Variants in LRRC4C observed in about 807,000 individuals in gnomAD.
LRRC4C encodes leucine-rich repeat-containing protein 4C.
LRRC4C carries 5 observed loss-of-function variants against 33.6 expected under a neutral mutation model. The ratio of observed to expected loss-of-function variants is 0.15; its 90% CI spans 0.08 to 0.31. LRRC4C has a LOEUF of 0.31. LRRC4C is among the 10% of genes least tolerant of loss of function. The pLI is 1.00. For synonymous variants in LRRC4C, 329 were observed against 302.0 expected (o/e 1.09, Z -0.93); for missense variants, 560 against 796.7 (o/e 0.70, Z 3.58).
chr11:40,370,633 T>C (rs1366742237), intron 3 of LRRC4C, among the ~76,000 whole-genome samples: 1 of 152,090 alleles, frequency 6.6e-6, no homozygotes, highest in African/African-American at 2.4e-5. Flanking sequence ...AAAATCAAAG[T>C]AACAGATTGA....
chr11:40,136,054 A>G (rs761603683), intron 6 of LRRC4C, among the ~76,000 whole-genome samples: 3 of 152,240 alleles, frequency 2.0e-5, no homozygotes. Context: ...CCCATAGGCA[A>G]AATCGGGCTC....
intron 1 of LRRC4C, among the ~76,000 whole-genome samples, chr11:41,091,612 C>A (rs1940422261): frequency 6.6e-6 from 1 of 151,960 alleles, no homozygotes; most frequent in Non-Finnish European, 1.5e-5. Flanking sequence ...AAAAAGTATA[C>A]CTTGACTACT....
chr11:40,900,516 A>G (rs1371116880), intron 2 of LRRC4C, among the ~76,000 whole-genome samples: 1 of 152,118 alleles, frequency 6.6e-6, no homozygotes, highest in South Asian at 2.1e-4. Context: ...CAACAGATGG[A>G]TGATAGCTAT....
intron 4 of LRRC4C, among the ~76,000 whole-genome samples, chr11:40,250,452 A>T (rs768278976): frequency 6.0e-4 from 92 of 152,108 alleles, no homozygotes; most frequent in Non-Finnish European, 1.1e-3. Context: ...TTTAAATTTA[A>T]TGATAAGCCT....
chr11:40,795,018 A>AT (rs1394873263), intron 2 of LRRC4C, among the ~76,000 whole-genome samples: 46 of 152,354 alleles, frequency 3.0e-4, no homozygotes, highest in African/African-American at 1.0e-3. Flanking sequence ...GAACTTCTCT[A>AT]AGCCAAATCT....
At chr11:40,500,174 C>A (rs376487647) in intron 3 of LRRC4C, among the ~76,000 whole-genome samples, 2 of 151,418 alleles carry the variant, frequency 1.3e-5, no homozygotes, top group Non-Finnish European at 2.9e-5. Context: ...CTTAACCTGT[C>A]GCATCCTCAA....
At chr11:41,190,790 A>AATG (rs1301130552) in intron 1 of LRRC4C, among the ~76,000 whole-genome samples, 1 of 152,178 alleles carries the variant, frequency 6.6e-6, no homozygotes, top group African/African-American at 2.4e-5. Context: ...AATGTTGGGT[A>AATG]ATGATGATGA....
At chr11:40,650,743 T>C (rs1942745610) in intron 2 of LRRC4C, among the ~76,000 whole-genome samples, 1 of 152,208 alleles carries the variant, frequency 6.6e-6, no homozygotes, top group Non-Finnish European at 1.5e-5. Flanking sequence ...ATCTGAACTA[T>C]ATTACTTATT....
intron 3 of LRRC4C, among the ~76,000 whole-genome samples, chr11:40,565,866 A>G (rs1217892476): frequency 6.6e-6 from 1 of 152,126 alleles, no homozygotes; most frequent in Non-Finnish European, 1.5e-5. Flanking sequence ...AAATTTTAAA[A>G]AAGACAATTT....
intron 3 of LRRC4C, among the ~76,000 whole-genome samples, chr11:40,347,649 C>A (rs763941706): frequency 1.3e-5 from 2 of 152,186 alleles, no homozygotes; most frequent in Non-Finnish European, 2.9e-5. Context: ...GCTCTTGTTG[C>A]CTAGGCTGGA....
At chr11:40,188,672 G>C (rs1386166893) in intron 5 of LRRC4C, among the ~76,000 whole-genome samples, 1 of 152,046 alleles carries the variant, frequency 6.6e-6, no homozygotes, top group African/African-American at 2.4e-5. Context: ...CTATAAACCA[G>C]GGGGCTACTA....
At chr11:40,616,241 A>T (rs1961812977) in intron 3 of LRRC4C, among the ~76,000 whole-genome samples, 1 of 151,976 alleles carries the variant, frequency 6.6e-6, no homozygotes, top group African/African-American at 2.4e-5. Flanking sequence ...AATGGCGATC[A>T]TTAAAAAGTC....
Position 41,025,092 on chromosome 11 carries a change from T to A in LRRC4C, c.-495-91369A>T, listed in dbSNP as rs138267723. Among the ~76,000 whole-genome samples the A allele has an allele frequency of 6.4e-4, 97 of 151,720 alleles. 3 individuals carry two copies. The South Asian group carries it at 8.5e-3, about 13-fold the overall frequency. On this transcript the variant is annotated intron_variant, in intron 1 of 6. Transcript: ENST00000528697. Reference sequence around the variant, plus strand: ...GGCTGTTCCCTTGTCTTTCTCCCTCTACTTGGACCTCTCTATTCCCTGAGA... The same window carrying A: ...GGCTGTTCCCTTGTCTTTCTCCCTCAACTTGGACCTCTCTATTCCCTGAGA...
chr11:41,402,755 A>G (rs1466283327), intron 1 of LRRC4C, among the ~76,000 whole-genome samples: 1 of 152,060 alleles, frequency 6.6e-6, no homozygotes, highest in Non-Finnish European at 1.5e-5. Flanking sequence ...ACAGGGCTCA[A>G]GAGAAAAACA....
intron 2 of LRRC4C, among the ~76,000 whole-genome samples, chr11:40,671,923 A>C (rs967668476): frequency 1.3e-5 from 2 of 152,130 alleles, no homozygotes; most frequent in Non-Finnish European, 2.9e-5. Context: ...CTTTCTAAGC[A>C]TATAGCAGGT....
intron 1 of LRRC4C, among the ~76,000 whole-genome samples, chr11:41,395,177 TCAG>T (rs1181957764): frequency 3.9e-5 from 6 of 151,928 alleles, no homozygotes; most frequent in African/African-American, 1.4e-4. Context: ...TGTCTTCGGA[TCAG>T]CAGGAAAGAG....
At chr11:41,040,594 T>C (rs1857373394) in intron 1 of LRRC4C, among the ~76,000 whole-genome samples, 1 of 152,218 alleles carries the variant, frequency 6.6e-6, no homozygotes, top group African/African-American at 2.4e-5. Flanking sequence ...GATCAGACTA[T>C]TCAGCCTCCA....
intron 1 of LRRC4C, among the ~76,000 whole-genome samples, chr11:41,111,054 G>A (rs898599119): frequency 1.3e-5 from 2 of 151,958 alleles, no homozygotes; most frequent in African/African-American, 4.8e-5. Flanking sequence ...ACTGTGCTGG[G>A]CATTATACTC....
chr11:40,465,006 A>C (rs1009710791), intron 3 of LRRC4C, among the ~76,000 whole-genome samples: 3 of 152,096 alleles, frequency 2.0e-5, no homozygotes, highest in African/African-American at 7.2e-5. Context: ...TGAACAGCCA[A>C]AGAAATGCTA....
Sources: allele counts gnomAD v4.1 joint callset (sites outside exome capture counted in the v4.1 genomes callset), GRCh38; gene constraint gnomAD v4.1.1; transcripts MANE v1.5; gene names NCBI Gene and HGNC (gene_info 2026-07-23, HGNC 2026-07-21).